Variants in YAP1 observed in about 807,000 individuals in gnomAD.
The protein encoded by YAP1 is Yes1 associated transcriptional regulator.
A neutral mutation model predicts 56.9 loss-of-function variants in YAP1; 5 were observed. That is an observed-to-expected ratio of 0.09 (90% CI 0.05 to 0.18). YAP1 has a LOEUF of 0.18. Among genes scored for constraint, YAP1 ranks in the 10% least tolerant of loss-of-function variants. The pLI is 1.00. For missense variants in YAP1, 539 were observed against 651.8 expected (o/e 0.83, Z 1.88); for synonymous variants, 265 against 248.1 (o/e 1.07, Z -0.64).
rs763217107 is a variant in YAP1 at position 102,162,477 on chromosome 11, A to C, written c.594A>C (p.Thr198=). The change falls in exon 3 of 9, where the codon ACA becomes ACC. Residue 198 remains threonine (T), a synonymous_variant. Transcript: ENST00000282441. ...TTAGTCACATCGATCAGACAACAAC[A>C]TGGCAGGACCCCAGGAAGGCCATGC... ...YFLNHIDQTT[T]WQDPRKAMLS... is the part of the protein sequence containing the mutation. 4 of 1,614,070 alleles carry C rather than the reference A, an allele frequency of 2.5e-6. No individual in the cohort carries two copies. The East Asian group carries it at 8.9e-5, about 36-fold the overall frequency.
chr11:102,164,808 C>T (rs569460382), intron 3 of YAP1, among the ~76,000 whole-genome samples: 5 of 152,162 alleles, frequency 3.3e-5, no homozygotes, highest in Non-Finnish European at 5.9e-5. Flanking sequence ...CCACAACCTC[C>T]GCCTCCCTGG....
chr11:102,222,391 GAAC>G (rs1949977122), intron 6 of YAP1, among the ~76,000 whole-genome samples: 1 of 152,198 alleles, frequency 6.6e-6, no homozygotes, highest in East Asian at 1.9e-4. Flanking sequence ...AAGAAACAGT[GAAC>G]AGATAAAGGA....
At chr11:102,146,893 G>T (rs181912824) in intron 2 of YAP1, among the ~76,000 whole-genome samples, 1 of 152,290 alleles carries the variant, frequency 6.6e-6, no homozygotes, top group African/African-American at 2.4e-5. Flanking sequence ...TTAAAATACT[G>T]TGTCTGGCTT....
chr11:102,195,060 T>C (rs1263490111), intron 4 of YAP1, among the ~76,000 whole-genome samples: 2 of 152,308 alleles, frequency 1.3e-5, no homozygotes, highest in Middle Eastern at 3.4e-3. Flanking sequence ...GTCTGGCTGC[T>C]TCTCTACAGT....
At chr11:102,172,360 G>A (rs1946957185) in intron 3 of YAP1, among the ~76,000 whole-genome samples, 1 of 132,814 alleles carries the variant, frequency 7.5e-6, no homozygotes. Flanking sequence ...CACCCAGGCT[G>A]GAGTGCAGTG....
intron 2 of YAP1, among the ~76,000 whole-genome samples, chr11:102,134,749 C>T (rs1481635894): frequency 6.6e-6 from 1 of 152,038 alleles, no homozygotes. Context: ...CACTCTGTTG[C>T]CCAGGTTGGA....
intron 5 of YAP1, among the ~76,000 whole-genome samples, 152 bp from the exon 6 acceptor site, chr11:102,209,365 A>G (rs908229810): frequency 2.6e-5 from 4 of 152,128 alleles, no homozygotes; most frequent in Non-Finnish European, 2.9e-5. Context: ...TGGTGACTCC[A>G]TTGGCTCCTG....
At chr11:102,112,176 CT>C (rs1482937859) in intron 1 of YAP1, among the ~76,000 whole-genome samples, 4 of 152,182 alleles carry the variant, frequency 2.6e-5, no homozygotes, top group African/African-American at 9.7e-5. Flanking sequence ...CAAGTCCTGC[CT>C]AGTTCAACTG....
chr11:102,163,523 C>G (rs1003954828), intron 3 of YAP1, among the ~76,000 whole-genome samples: 1 of 152,144 alleles, frequency 6.6e-6, no homozygotes, highest in Non-Finnish European at 1.5e-5. Context: ...TCTGACCACT[C>G]CCCTGGCCCC....
intron 2 of YAP1, among the ~76,000 whole-genome samples, chr11:102,125,878 C>T (rs1944008260): frequency 6.6e-6 from 1 of 151,988 alleles, no homozygotes; most frequent in Non-Finnish European, 1.5e-5. Context: ...AGGAGCCAAG[C>T]CCGGAAGTTG....
At chr11:102,212,733 C>T (rs770880070) in intron 6 of YAP1, among the ~76,000 whole-genome samples, 1 of 152,116 alleles carries the variant, frequency 6.6e-6, no homozygotes, top group African/African-American at 2.4e-5. Context: ...AGGCATTCGC[C>T]ACCATGCCCG....
At chr11:102,209,858 G>A (rs1287007076) in intron 6 of YAP1, among the ~76,000 whole-genome samples, 1 of 152,078 alleles carries the variant, frequency 6.6e-6, no homozygotes, top group African/African-American at 2.4e-5. Flanking sequence ...TATCAGCTAG[G>A]TATGCCTAAT....
intron 2 of YAP1, among the ~76,000 whole-genome samples, chr11:102,147,468 A>C (rs1945391002): frequency 6.6e-6 from 1 of 152,190 alleles, no homozygotes; most frequent in South Asian, 2.1e-4. Flanking sequence ...TAATTGCTGA[A>C]ATAAATCCAG....
intron 2 of YAP1, among the ~76,000 whole-genome samples, chr11:102,115,412 GT>G (rs1943216671): frequency 6.6e-6 from 1 of 152,146 alleles, no homozygotes; most frequent in Non-Finnish European, 1.5e-5. Flanking sequence ...CATTAAGGAT[GT>G]TTTGTTGTGT....
At chr11:102,215,630 C>T (rs1949620983) in intron 6 of YAP1, among the ~76,000 whole-genome samples, 1 of 152,160 alleles carries the variant, frequency 6.6e-6, no homozygotes, top group African/African-American at 2.4e-5. Flanking sequence ...CGCACACCAC[C>T]ACCCCCAGCT....
chr11:102,160,018 ATTT>A (rs34332940), intron 2 of YAP1, among the ~76,000 whole-genome samples: 8 of 108,986 alleles, frequency 7.3e-5, no homozygotes, highest in Non-Finnish European at 5.3e-5. Flanking sequence ...TACATAAAGG[ATTT>A]TTTTTTTTTT....
intron 3 of YAP1, among the ~76,000 whole-genome samples, chr11:102,176,490 G>A (rs1021397507): frequency 6.6e-6 from 1 of 152,076 alleles, no homozygotes; most frequent in African/African-American, 2.4e-5. Flanking sequence ...GCTCACGCCT[G>A]TAATCCCAGC....
At chr11:102,164,399 GT>G (rs1039981093) in intron 3 of YAP1, among the ~76,000 whole-genome samples, 1 of 152,168 alleles carries the variant, frequency 6.6e-6, no homozygotes, top group Non-Finnish European at 1.5e-5. Context: ...CAACTATTAT[GT>G]TTTTTTATTA....
intron 2 of YAP1, among the ~76,000 whole-genome samples, chr11:102,124,476 A>G (rs1943907092): frequency 6.6e-6 from 1 of 152,190 alleles, no homozygotes; most frequent in Non-Finnish European, 1.5e-5. Flanking sequence ...CAGTTGCCCT[A>G]AAGTACAATT....
Sources: allele counts gnomAD v4.1 joint callset (sites outside exome capture counted in the v4.1 genomes callset), GRCh38; gene constraint gnomAD v4.1.1; transcripts MANE v1.5; gene names NCBI Gene and HGNC (gene_info 2026-07-23, HGNC 2026-07-21).